Variants in ABCC12 observed in about 807,000 individuals in gnomAD.
ABCC12 encodes the protein ATP binding cassette subfamily C member 12, also known as ATP-binding cassette sub-family C member 12.
ABCC12 carries 142 observed loss-of-function variants against 151.1 expected under a neutral mutation model. The observed-to-expected ratio is 0.94, with a 90% CI of 0.82 to 1.08. The LOEUF is 1.08. ABCC12 is among the 50% of genes least tolerant of loss of function. The pLI, the probability that ABCC12 is intolerant of heterozygous loss-of-function variation, is 0.00. For missense variants in ABCC12, 1,638 were observed against 1,691.1 expected, an observed-to-expected ratio of 0.97 and a Z score of 0.55; for synonymous variants, 645 against 646.4, an observed-to-expected ratio of 1.00 and a Z score of 0.03.
At chr16:48,138,859 T>C (rs1374557736) in intron 7 of ABCC12, among the ~76,000 whole-genome samples, 1 of 151,826 alleles carries the variant, frequency 6.6e-6, no homozygotes. Context: ...TCCCAGCTAG[T>C]TGGCAGGACT....
At position 48,128,589 on chromosome 16, in the gene ABCC12, T is replaced by C. The variant is rs758779797; in HGVS notation, c.1385A>G (p.His462Arg). ...CTCTGACCTCTGTTTCTTGCATAAA[T>C]GCCTTTTCTGGTTCTGCAATTTCTT... ...TPKKLQNQKR[H>R]LCKKQRSEAY... Residue 462 changes from histidine to arginine, a missense_variant, in exon 11 of 31, where the codon CAT becomes CGT. His to Arg is a conservative substitution (Grantham distance 29). Transcript: ENST00000311303. The C allele has an allele frequency of 5.6e-6, 9 of 1,614,128 alleles. No individual in the cohort carries two copies. Among genetic ancestry groups the C allele is most frequent in the Non-Finnish European group, 7.6e-6 (9 of 1,180,054 alleles).
At position 48,090,278 on chromosome 16, in the gene ABCC12, A is replaced by C. The variant is rs140837597; in HGVS notation, c.3285+842T>G. Among the ~76,000 whole-genome samples the C allele has an allele frequency of 3.1e-3, 472 of 152,188 alleles. 4 individuals are homozygous for C. The highest frequency in any genetic ancestry group is 0.011 in the African/African-American group (441 of 41,534). ...GGTCTAGCTCTGTTGCACAGGCTGG[A>C]GTGCAATGGCATCATCACAGCTTAC... On this transcript the variant is annotated intron_variant, in intron 25 of 30. Transcript: ENST00000311303.
chr16:48,118,198 G>C (rs1357054603), intron 13 of ABCC12, among the ~76,000 whole-genome samples: 1 of 152,194 alleles, frequency 6.6e-6, no homozygotes, highest in African/African-American at 2.4e-5. Flanking sequence ...GAGGCCTTTG[G>C]GGCCTTCTGG....
chr16:48,133,353 T>C (rs1964495022), intron 9 of ABCC12, among the ~76,000 whole-genome samples: 1 of 151,658 alleles, frequency 6.6e-6, no homozygotes, highest in Admixed American at 6.6e-5. Flanking sequence ...GAAACCCCGG[T>C]CTCTACTAAA....
chr16:48,113,730 G>A (rs774002646), intron 15 of ABCC12, among the ~76,000 whole-genome samples: 3 of 152,186 alleles, frequency 2.0e-5, no homozygotes, highest in African/African-American at 4.8e-5. Context: ...AAAATGACAC[G>A]GGAAGGTGGA....
At chr16:48,101,033 A>T (rs568390871) in intron 22 of ABCC12, 24 bp from the exon 23 acceptor site, 1 of 1,611,802 alleles carries the variant, frequency 6.2e-7, no homozygotes, top group Non-Finnish European at 8.5e-7. Flanking sequence ...GAAAGGGGCC[A>T]GGTGGGCCAC....
chr16:48,113,462 C>T (rs562213632), intron 15 of ABCC12, among the ~76,000 whole-genome samples: 2 of 152,210 alleles, frequency 1.3e-5, no homozygotes, highest in Non-Finnish European at 2.9e-5. Context: ...ATTTGAGCAG[C>T]TTTGTTCTGC....
At chr16:48,155,521 T>A (rs984009284) in intron 1 of ABCC12, among the ~76,000 whole-genome samples, 29 of 152,198 alleles carry the variant, frequency 1.9e-4, no homozygotes, top group Middle Eastern at 3.2e-3. Context: ...TGTTTGTGCA[T>A]GTGTGGGAAA....
At chr16:48,119,488 C>A (rs1963997711) in intron 13 of ABCC12, among the ~76,000 whole-genome samples, 1 of 152,248 alleles carries the variant, frequency 6.6e-6, no homozygotes, top group African/African-American at 2.4e-5. Context: ...GAAGGCATTC[C>A]AGGTGGGTGG....
chr16:48,135,577 G>A (rs1302569422), intron 8 of ABCC12, among the ~76,000 whole-genome samples: 1 of 151,766 alleles, frequency 6.6e-6, no homozygotes, highest in Middle Eastern at 3.2e-3. Flanking sequence ...GCAGAGTTGG[G>A]ATCTCCCTAT....
At chr16:48,128,334 C>A in intron 11 of ABCC12, 125 bp downstream of exon 11, 1 of 1,390,656 alleles carries the variant, frequency 7.2e-7, no homozygotes, top group Non-Finnish European at 9.7e-7. Flanking sequence ...AATACAGGGA[C>A]TCTGGTTAGA....
chr16:48,140,253 G>A (rs1964758930), intron 6 of ABCC12, among the ~76,000 whole-genome samples: 2 of 146,208 alleles, frequency 1.4e-5, no homozygotes, highest in South Asian at 2.1e-4. Flanking sequence ...TAAGGATTAA[G>A]AGCTTAAGAA....
Position 48,133,742 on chromosome 16 carries a change from A to G in ABCC12, c.1073T>C (p.Ile358Thr). Residue 358 changes from isoleucine to threonine, a missense_variant, in exon 9 of 31, where the codon ATC becomes ACC. Physicochemically the swap from Ile to Thr is moderately conservative, Grantham distance 89. Transcript: ENST00000311303. Reference sequence around the variant, plus strand: ...GATGTGGCAGGATAATGTCAGCACGATGGCTATGGTGGACACGATGGGGGC... The same window carrying G: ...GATGTGGCAGGATAATGTCAGCACGGTGGCTATGGTGGACACGATGGGGGC... ...ALAPIVSTIA[I>T]VLTLSCHILL... 1 of 1,614,100 alleles carries G rather than the reference A, an allele frequency of 6.2e-7. No homozygotes were observed. Among genetic ancestry groups the G allele is most frequent in the Non-Finnish European group, 8.5e-7 (1 of 1,180,022 alleles).
At chr16:48,104,076 T>G (rs1345644951) in intron 22 of ABCC12, 66 bp downstream of exon 22, 4 of 1,509,468 alleles carry the variant, frequency 2.6e-6, no homozygotes, top group Non-Finnish European at 2.7e-6. Flanking sequence ...CCATGCTCAA[T>G]ATCACCTGAT....
chr16:48,128,353 A>G (rs1964307570), intron 11 of ABCC12, 106 bp downstream of exon 11: 1 of 1,493,696 alleles, frequency 6.7e-7, no homozygotes, highest in Non-Finnish European at 9.0e-7. Context: ...GAGACATCCC[A>G]TCACCACCTT....
chr16:48,105,340 T>C lies in ABCC12; in HGVS notation c.2476-4A>G, dbSNP rs1262346973. On this transcript the variant is annotated splice_region_variant and splice_polypyrimidine_tract_variant and intron_variant, in intron 20 of 30. Coordinates refer to ENST00000311303, the MANE Select transcript of ABCC12 (RefSeq NM_001393797.1). The stretch of plus-strand genomic sequence containing the variant: ...TGCCCTGGGGCCCACAGGTCATCTT[T>C]GGAGAAAAACAAGAGAAGCACCAAG... 7 of 1,601,918 alleles carry C rather than the reference T, an allele frequency of 4.4e-6. No homozygotes were observed. In the Middle Eastern group the frequency reaches 7.9e-4, roughly 181 times the overall value.
intron 2 of ABCC12, among the ~76,000 whole-genome samples, chr16:48,147,356 A>G (rs1333321532): frequency 6.6e-6 from 1 of 152,150 alleles, no homozygotes; most frequent in African/African-American, 2.4e-5. Flanking sequence ...CATACCCTAT[A>G]GATAAATTCT....
At position 48,124,263 on chromosome 16, in the gene ABCC12, C is replaced by T. The variant is rs374894598; in HGVS notation, c.1537G>A (p.Gly513Arg). 1 of 1,614,098 alleles carries T rather than the reference C, an allele frequency of 6.2e-7. No individual in the cohort carries two copies. The highest frequency in any genetic ancestry group is 1.3e-5 in the African/African-American group (1 of 74,940). Residue 513 changes from glycine to arginine, a missense_variant, in exon 12 of 31, where the codon GGG (glycine) becomes AGG (arginine). Coordinates refer to ENST00000311303, the MANE Select transcript of ABCC12 (RefSeq NM_001393797.1). ...VRKGKILGIC[G>R]NVGSGKSSLL... ...GAGCTCTTTCCACTTCCCACATTCC[C>T]ACATATTCCCAAGATCTTCCCCTGC...
chr16:48,102,748 G>A (rs974571658), intron 22 of ABCC12, among the ~76,000 whole-genome samples: 1 of 152,186 alleles, frequency 6.6e-6, no homozygotes, highest in East Asian at 1.9e-4. Flanking sequence ...TGAAACATCC[G>A]AAACTAAACT....
Sources: gnomAD v4.1 joint callset for allele counts (sites outside exome capture counted in the v4.1 genomes callset) on GRCh38, gnomAD v4.1.1 for gene constraint, MANE v1.5 for transcripts, NCBI Gene and HGNC (gene_info 2026-07-23, HGNC 2026-07-21) for gene names.